The following LZTFL1 variants were observed in gnomAD, a reference collection of about 807,000 sequenced individuals.
The protein encoded by LZTFL1 is leucine zipper transcription factor-like protein 1.
Under a neutral mutation model 45.9 loss-of-function variants are expected in LZTFL1, and 25 were observed. That is an observed-to-expected ratio of 0.54 (90% CI 0.40 to 0.76). The LOEUF is 0.76. Among genes scored for constraint, LZTFL1 ranks in the 30% least tolerant of loss-of-function variants. LZTFL1 has a pLI of 0.00. For synonymous variants in LZTFL1, 93 were observed against 117.4 expected, an observed-to-expected ratio of 0.79 and a Z score of 1.35; for missense variants, 277 against 331.1, an observed-to-expected ratio of 0.84 and a Z score of 1.27.
At chr3:45,834,768 C>A (rs1700921501) in intron 3 of LZTFL1, 1 of 153,774 alleles carries the variant, frequency 6.5e-6, no homozygotes, top group South Asian at 2.0e-4. Flanking sequence ...TGGGGGTGTG[C>A]CATCTGAAGA....
chr3:45,838,317 C>T (rs1473681285), intron 1 of LZTFL1, among the ~76,000 whole-genome samples: 1 of 152,102 alleles, frequency 6.6e-6, no homozygotes, highest in East Asian at 1.9e-4. Flanking sequence ...GTACCTCTGC[C>T]CCTCCCTGTT....
chr3:45,827,346 T>A lies in LZTFL1; in HGVS notation c.881+10A>T, dbSNP rs764268928. ...GAGAGAAATCCAAAGGCGGGATCAG[T>A]GTGGCTTACTGTGCCAGTCTTTTCC... On this transcript the variant is annotated intron_variant, in intron 9 of 9. Transcript: ENST00000296135. The A allele has an allele frequency of 1.9e-6, 3 of 1,569,486 alleles. No homozygotes were observed. The highest frequency in any genetic ancestry group is 2.6e-6 in the Non-Finnish European group (3 of 1,139,536).
At chr3:45,864,803 G>T (rs1415197563) in intron 2 of LZTFL1, among the ~76,000 whole-genome samples, 2 of 152,134 alleles carry the variant, frequency 1.3e-5, no homozygotes, top group Non-Finnish European at 2.9e-5. Context: ...AAGGGAGTAG[G>T]TTTTCTCACC....
chr3:45,846,353 AC>A (rs1701217544), upstream of LZTFL1, among the ~76,000 whole-genome samples: 1 of 152,222 alleles, frequency 6.6e-6, no homozygotes, highest in South Asian at 2.1e-4. Flanking sequence ...CACTTTGAAG[AC>A]ATTCCATAAA....
At chr3:45,869,949 C>T (rs1559414627) in intron 2 of LZTFL1, among the ~76,000 whole-genome samples, 1 of 152,270 alleles carries the variant, frequency 6.6e-6, no homozygotes, top group Non-Finnish European at 1.5e-5. Context: ...AACAAAAGTA[C>T]TCGAGTTCCC....
Position 45,834,246 on chromosome 3 carries a change from T to C in LZTFL1, c.376A>G (p.Asn126Asp), listed in dbSNP as rs9917821. The C allele has an allele frequency of 6.3e-7, 1 of 1,589,800 alleles. No homozygotes were observed. The highest frequency in any genetic ancestry group is 1.7e-5 in the Admixed American group (1 of 59,530). ...EFEKAEITSSNKKPILDVTKP... is the reference protein window; with the variant it reads ...EFEKAEITSSDKKPILDVTKP... ...AATGACCAAAAAGTTACCTTTTTGTTTGAAGATGTAATCTCTGCTTTTTCA... is the reference window on the plus strand; with the variant it reads ...AATGACCAAAAAGTTACCTTTTTGTCTGAAGATGTAATCTCTGCTTTTTCA... Residue 126 changes from asparagine (N) to aspartate (D), a missense_variant, in exon 4 of 10, where the codon AAC (asparagine) becomes GAC (aspartate). Physicochemically the swap from Asn to Asp is conservative, Grantham distance 23 (BLOSUM62 1). Coordinates refer to ENST00000296135, the MANE Select transcript of LZTFL1 (RefSeq NM_020347.4).
At chr3:45,836,831 A>C (rs1408875963) in intron 2 of LZTFL1, among the ~76,000 whole-genome samples, 2 of 152,188 alleles carry the variant, frequency 1.3e-5, no homozygotes, top group African/African-American at 4.8e-5. Flanking sequence ...AATCATCTTC[A>C]GCAATGATTC....
At chr3:45,850,690 C>A (rs1701293997) in intron 4 of LZTFL1, among the ~76,000 whole-genome samples, 1 of 152,136 alleles carries the variant, frequency 6.6e-6, no homozygotes, top group African/African-American at 2.4e-5. Flanking sequence ...TCAAACACTC[C>A]TTACCAAAGA....
intron 2 of LZTFL1, chr3:45,902,870 G>A (rs1410618678): frequency 6.0e-6 from 1 of 167,064 alleles, no homozygotes; most frequent in Non-Finnish European, 1.5e-5. Context: ...TAGGGCAAAG[G>A]GGTGAAGCGC....
At chr3:45,842,272 T>G (rs1439787247), upstream of LZTFL1, 2 of 987,326 alleles carry the variant, frequency 2.0e-6, no homozygotes, top group Non-Finnish European at 2.8e-6. Context: ...GCCAGTTCAC[T>G]TTTGGGAGCT....
rs1559427072 is a variant in LZTFL1 at position 45,901,285 on chromosome 3, A to C, written c.-215+11835T>G. 3.1e-6 allele frequency: 5 copies of C among 1,614,222 alleles called. No homozygotes were observed. Among genetic ancestry groups the C allele is most frequent in the Non-Finnish European group, 4.2e-6 (5 of 1,180,032 alleles). ...AGGGAGAAAAGGCTTTTGTACAGCAAAATGGTTTGCTTTACCATCTGGGTA... is the reference window on the plus strand; with the variant it reads ...AGGGAGAAAAGGCTTTTGTACAGCACAATGGTTTGCTTTACCATCTGGGTA... On this transcript the variant is annotated intron_variant, in intron 2 of 4. Transcript: ENST00000472635. This position sits in a 1 kb window ranked among gnomAD's most constrained non-coding sequence, Gnocchi z 4.3.
intron 2 of LZTFL1, among the ~76,000 whole-genome samples, chr3:45,887,159 T>G (rs191423185): frequency 6.6e-6 from 1 of 152,294 alleles, no homozygotes. Context: ...TGAATTGGCA[T>G]GGAAGGTGAT....
In LZTFL1 at chr3:45,855,125, T is replaced by A. The variant is rs562029863; in HGVS notation, c.-137-51A>T. 1.1e-4 allele frequency: 118 copies of A among 1,119,580 alleles called. No individual in the cohort carries two copies. The African/African-American group carries it at 1.6e-3, about 15-fold the overall frequency. 69.4% of individuals were successfully genotyped at this position (1,119,580 alleles called of 1,614,324 possible). ...AATTATAAGTTGTATCTTAAAAACATCAAAGGGATATGATGAACATCAATG... is the reference window on the plus strand; with the variant it reads ...AATTATAAGTTGTATCTTAAAAACAACAAAGGGATATGATGAACATCAATG... On this transcript the variant is annotated intron_variant, in intron 3 of 4. Transcript: ENST00000472635.
At chr3:45,862,586 C>T (rs1701508563) in intron 2 of LZTFL1, among the ~76,000 whole-genome samples, 3 of 152,212 alleles carry the variant, frequency 2.0e-5, no homozygotes, top group South Asian at 4.1e-4. Context: ...ACTGAGGGAC[C>T]GTCTGACATG....
intron 1 of LZTFL1, chr3:45,841,715 C>T (rs1665848224): frequency 3.5e-6 from 2 of 574,706 alleles, no homozygotes; most frequent in Admixed American, 3.0e-5. Context: ...AGAGTTGTGC[C>T]TTGGCTCCAG....
intron 2 of LZTFL1, among the ~76,000 whole-genome samples, chr3:45,889,523 G>A (rs1442487306): frequency 6.6e-6 from 1 of 151,710 alleles, no homozygotes; most frequent in Non-Finnish European, 1.5e-5. Flanking sequence ...TTATTTTTAT[G>A]ACAGCTCTTA....
At chr3:45,855,655 C>T (rs1701380566) in intron 3 of LZTFL1, among the ~76,000 whole-genome samples, 1 of 152,116 alleles carries the variant, frequency 6.6e-6, no homozygotes, top group Non-Finnish European at 1.5e-5. Context: ...CTAGAAAACC[C>T]CACAGTCTCA....
chr3:45,889,372 G>A (rs1053180682), intron 2 of LZTFL1, among the ~76,000 whole-genome samples: 6 of 152,036 alleles, frequency 3.9e-5, no homozygotes, highest in Non-Finnish European at 7.4e-5. Flanking sequence ...AAGTAGCCTC[G>A]GTGAATGTAA....
At chr3:45,853,196 C>A (rs1238019807) in intron 4 of LZTFL1, among the ~76,000 whole-genome samples, 3 of 152,100 alleles carry the variant, frequency 2.0e-5, no homozygotes, top group Non-Finnish European at 4.4e-5. Context: ...AAAGTCCTGT[C>A]AAAATTTCTT....
Sources: allele counts gnomAD v4.1 joint callset (sites outside exome capture counted in the v4.1 genomes callset), GRCh38; gene constraint gnomAD v4.1.1; non-coding constraint Gnocchi (gnomAD v3.1); transcripts MANE v1.5; gene names NCBI Gene and HGNC (gene_info 2026-07-23, HGNC 2026-07-21).